GAB2: variants seen among roughly 807,000 people sequenced by gnomAD.
The protein encoded by GAB2 is GRB2-associated-binding protein 2.
Under a neutral mutation model 65.5 loss-of-function variants are expected in GAB2, and 26 were observed. The ratio of observed to expected loss-of-function variants is 0.40; its 90% CI spans 0.29 to 0.55. GAB2 has a LOEUF of 0.55. Among genes scored for constraint, GAB2 ranks in the 20% least tolerant of loss-of-function variants. The pLI, the probability that GAB2 is intolerant of heterozygous loss-of-function variation, is 0.53. For synonymous variants in GAB2, 321 were observed against 329.6 expected (o/e 0.97, Z 0.28); for missense variants, 884 against 875.8 (o/e 1.01, Z -0.12).
intron 1 of GAB2, among the ~76,000 whole-genome samples, chr11:78,283,037 TCTCA>T (rs1866374549): frequency 1.3e-5 from 2 of 152,220 alleles, no homozygotes; most frequent in Admixed American, 1.3e-4. Flanking sequence ...TGCTGACTGG[TCTCA>T]CTTTTACTTC....
At chr11:78,251,431 A>C (rs532390722) in intron 2 of GAB2, among the ~76,000 whole-genome samples, 1 of 152,328 alleles carries the variant, frequency 6.6e-6, no homozygotes, top group South Asian at 2.1e-4. Flanking sequence ...AGGACGGATA[A>C]TAGCTTATAG....
intron 1 of GAB2, among the ~76,000 whole-genome samples, chr11:78,342,227 C>G (rs1198895017): frequency 6.6e-6 from 1 of 152,198 alleles, no homozygotes; most frequent in African/African-American, 2.4e-5. Context: ...TGAACCTACC[C>G]TCTGTGCCTC....
intron 1 of GAB2, among the ~76,000 whole-genome samples, chr11:78,282,309 A>ATT (rs144499552): frequency 6.1e-4 from 89 of 145,624 alleles, no homozygotes; most frequent in African/African-American, 7.1e-4. Flanking sequence ...GGCTGTGTGA[A>ATT]TTTTTTTTTT....
intron 1 of GAB2, among the ~76,000 whole-genome samples, chr11:78,395,702 T>C (rs1436424110): frequency 1.3e-5 from 2 of 152,194 alleles, no homozygotes; most frequent in Non-Finnish European, 1.5e-5. Context: ...ATTGTTCATG[T>C]TTGCACCCCT....
At chr11:78,397,105 T>C (rs1020303852) in intron 1 of GAB2, among the ~76,000 whole-genome samples, 1 of 152,154 alleles carries the variant, frequency 6.6e-6, no homozygotes, top group African/African-American at 2.4e-5. Context: ...TACTTTATTG[T>C]GAATAAAACA....
chr11:78,410,061 A>C (rs143696009), intron 1 of GAB2, among the ~76,000 whole-genome samples: 1 of 152,270 alleles, frequency 6.6e-6, no homozygotes, highest in African/African-American at 2.4e-5. Flanking sequence ...AAGTAAAAAA[A>C]ATATATATAT....
At chr11:78,223,715 A>G (rs1397227492) in intron 5 of GAB2, 39 bp from the exon 6 acceptor site, 5 of 1,517,434 alleles carry the variant, frequency 3.3e-6, no homozygotes, top group Middle Eastern at 1.8e-4. Context: ...AGCTGTTACT[A>G]GCAAGAAGAA....
chr11:78,324,713 G>C (rs1450754028), intron 1 of GAB2: 3 of 152,182 alleles, frequency 2.0e-5, no homozygotes, highest in Non-Finnish European at 4.4e-5. Flanking sequence ...TTTCCAGATA[G>C]TGTAGCTGAG....
At chr11:78,229,136 C>T (rs979265191) in intron 3 of GAB2, among the ~76,000 whole-genome samples, 1 of 152,096 alleles carries the variant, frequency 6.6e-6, no homozygotes, top group African/African-American at 2.4e-5. Context: ...GGTATCAGCC[C>T]TTGCTGGGGG....
chr11:78,336,825 A>C (rs1856011325), intron 1 of GAB2, among the ~76,000 whole-genome samples: 1 of 152,332 alleles, frequency 6.6e-6, no homozygotes, highest in South Asian at 2.1e-4. Context: ...AAATGTTAGG[A>C]AATTCTTGTT....
At chr11:78,291,157 A>T (rs1329676809) in intron 1 of GAB2, among the ~76,000 whole-genome samples, 2 of 152,042 alleles carry the variant, frequency 1.3e-5, no homozygotes, top group African/African-American at 2.4e-5. Flanking sequence ...AGAAGGGCTC[A>T]AAGAGTAGAT....
chr11:78,322,809 A>AC (rs1457588904), intron 1 of GAB2, among the ~76,000 whole-genome samples: 1 of 151,924 alleles, frequency 6.6e-6, no homozygotes, highest in Non-Finnish European at 1.5e-5. Flanking sequence ...AAAAAAAAAA[A>AC]AAAACAACAA....
chr11:78,406,759 C>T (rs1279657235), intron 1 of GAB2, among the ~76,000 whole-genome samples: 3 of 152,108 alleles, frequency 2.0e-5, no homozygotes, highest in South Asian at 2.1e-4. Flanking sequence ...GATGCCAACA[C>T]TGAGATAACA....
chr11:78,335,353 G>A (rs1373095823), intron 1 of GAB2, among the ~76,000 whole-genome samples: 1 of 152,148 alleles, frequency 6.6e-6, no homozygotes, highest in Non-Finnish European at 1.5e-5. Context: ...ATCAGTTCTT[G>A]TAGGAGCTTC....
chr11:78,329,452 C>A (rs1292453291), intron 1 of GAB2, among the ~76,000 whole-genome samples: 1 of 152,154 alleles, frequency 6.6e-6, no homozygotes, highest in East Asian at 1.9e-4. Context: ...CTGTTTTCAT[C>A]TCTGTATCCC....
intron 1 of GAB2, among the ~76,000 whole-genome samples, chr11:78,289,398 A>T: frequency 6.6e-6 from 1 of 152,234 alleles, no homozygotes; most frequent in East Asian, 1.9e-4. Context: ...ATGTAAAACT[A>T]TAAAACGTTT....
intron 1 of GAB2, among the ~76,000 whole-genome samples, chr11:78,349,538 T>TA (rs1426626810): frequency 6.6e-6 from 1 of 152,164 alleles, no homozygotes; most frequent in East Asian, 1.9e-4. Flanking sequence ...CAGATAAACT[T>TA]ACCTTCGAAT....
At chr11:78,227,152 C>G (rs1864693518) in intron 3 of GAB2, 101 bp from the exon 4 acceptor site, 2 of 758,892 alleles carry the variant, frequency 2.6e-6, no homozygotes, top group Admixed American at 4.3e-5. Flanking sequence ...GTTTAGGCAT[C>G]TGTAAAATGG....
At chr11:78,359,073 G>A (rs1856399502) in intron 1 of GAB2, among the ~76,000 whole-genome samples, 1 of 152,098 alleles carries the variant, frequency 6.6e-6, no homozygotes, top group African/African-American at 2.4e-5. Flanking sequence ...CTAAAGATAT[G>A]AAAAAATCAG....
Sources: gnomAD v4.1 joint callset for allele counts (sites outside exome capture counted in the v4.1 genomes callset) on GRCh38, gnomAD v4.1.1 for gene constraint, MANE v1.5 for transcripts, NCBI Gene and HGNC (gene_info 2026-07-23, HGNC 2026-07-21) for gene names.